Variants in IL18RAP observed in about 807,000 individuals in gnomAD.
The protein encoded by IL18RAP is interleukin 18 receptor accessory protein.
In IL18RAP, 37 loss-of-function variants were observed where a neutral mutation model predicts 58.1. The ratio of observed to expected loss-of-function variants is 0.64; its 90% CI spans 0.49 to 0.84. The LOEUF (loss-of-function observed/expected upper bound fraction) is 0.84, where lower values mean the gene tolerates loss of function less well. Ranked by LOEUF, IL18RAP falls within the 40% of genes least tolerant of loss-of-function variation. IL18RAP has a pLI of 0.00. For synonymous variants in IL18RAP, 268 were observed against 257.5 expected (o/e 1.04, Z -0.39); for missense variants, 667 against 704.8 (o/e 0.95, Z 0.61).
chr2:102,442,227 T>C (rs1312370328), intron 5 of IL18RAP, among the ~76,000 whole-genome samples: 4 of 152,100 alleles, frequency 2.6e-5, no homozygotes, highest in African/African-American at 9.7e-5. Context: ...TTCAATAATA[T>C]CTATGTCTTT....
At chr2:102,444,713 T>C (rs1301763316) in intron 6 of IL18RAP, among the ~76,000 whole-genome samples, 1 of 152,128 alleles carries the variant, frequency 6.6e-6, no homozygotes. Context: ...TTCCCTGCAG[T>C]GTGGTCTGGG....
chr2:102,433,569 G>C lies in IL18RAP; in HGVS notation c.580-3643G>C, dbSNP rs150177717. On this transcript the variant is annotated intron_variant, in intron 3 of 9. Coordinates refer to ENST00000687160, the MANE Select transcript of IL18RAP (RefSeq NM_001393487.1). ...TTGAGATGGAATCTCTCTCTTTGTC[G>C]CCTAGGCTAGAGCGCATCTAGCTCA... Among the ~76,000 whole-genome samples, 160 of 150,316 alleles carry C rather than the reference G, an allele frequency of 1.1e-3. 2 individuals are homozygous for C. The highest frequency in any genetic ancestry group is 3.7e-3 in the African/African-American group (153 of 40,808).
At chr2:102,427,858 T>A (rs1433421045) in intron 3 of IL18RAP, among the ~76,000 whole-genome samples, 1 of 152,060 alleles carries the variant, frequency 6.6e-6, no homozygotes, top group Non-Finnish European at 1.5e-5. Context: ...TTTAACCCAT[T>A]TTGAATTGAT....
intron 3 of IL18RAP, chr2:102,434,900 T>A (rs1682628837): frequency 6.6e-6 from 1 of 152,194 alleles, no homozygotes; most frequent in South Asian, 2.1e-4. Flanking sequence ...TTTCTAAGGG[T>A]TCATAAACCA....
At chr2:102,449,762 G>A (rs1260752240) in intron 8 of IL18RAP, among the ~76,000 whole-genome samples, 1 of 152,090 alleles carries the variant, frequency 6.6e-6, no homozygotes, top group Non-Finnish European at 1.5e-5. Context: ...AGTTTGCTGG[G>A]ATTTCACATG....
At chr2:102,435,460 C>A (rs1268301213) in intron 3 of IL18RAP, 1 of 152,092 alleles carries the variant, frequency 6.6e-6, no homozygotes, top group African/African-American at 2.4e-5. Context: ...GTAGTAAATT[C>A]AATTAGGAGC....
At chr2:102,420,585 T>C (rs1681514511), upstream of IL18RAP, among the ~76,000 whole-genome samples, 2 of 152,184 alleles carry the variant, frequency 1.3e-5, no homozygotes, top group Admixed American at 1.3e-4. Context: ...GGTAACTAAT[T>C]TGCTATAGGC....
intron 8 of IL18RAP, among the ~76,000 whole-genome samples, chr2:102,448,561 A>G (rs997764891): frequency 6.6e-6 from 1 of 152,128 alleles, no homozygotes; most frequent in Non-Finnish European, 1.5e-5. Flanking sequence ...TTTCACGGAT[A>G]ATTATTTACC....
intron 3 of IL18RAP, among the ~76,000 whole-genome samples, chr2:102,428,764 C>A (rs1573269099): frequency 6.6e-6 from 1 of 151,974 alleles, no homozygotes; most frequent in East Asian, 1.9e-4. Flanking sequence ...AGTAAGAGTG[C>A]ACATTCTTGT....
Position 102,424,127 on chromosome 2 carries a change from G to A in IL18RAP, c.387G>A (p.Lys129=), listed in dbSNP as rs948455623. 3 of 1,611,178 alleles carry A rather than the reference G, an allele frequency of 1.9e-6. No individual in the cohort carries two copies. The highest frequency in any genetic ancestry group is 2.5e-6 in the Non-Finnish European group (3 of 1,177,992). The stretch of plus-strand genomic sequence containing the variant: ...CTGGGTCATATATTTGTAGACCCAA[G>A]ATGATTAAGTATGATCCAAATACAT... The part of the protein sequence containing the change: ...NNSGSYICRP[K]MIKSPYDVAC... Residue 129 remains lysine (K), a synonymous_variant, in exon 2 of 10, where the codon AAG becomes AAA. Coordinates refer to ENST00000687160, the MANE Select transcript of IL18RAP (RefSeq NM_001393487.1).
At chr2:102,433,356 G>A (rs1442500756) in intron 3 of IL18RAP, among the ~76,000 whole-genome samples, 1 of 152,062 alleles carries the variant, frequency 6.6e-6, no homozygotes, top group African/African-American at 2.4e-5. Context: ...TCAAGTAGTT[G>A]GGACTACAGG....
chr2:102,421,882 G>A (rs796654498), upstream of IL18RAP, among the ~76,000 whole-genome samples: 27 of 152,150 alleles, frequency 1.8e-4, no homozygotes, highest in African/African-American at 5.8e-4. Context: ...ATGGTATCAG[G>A]GACCCCACTT....
chr2:102,450,275 T>A, intron 8 of IL18RAP, among the ~76,000 whole-genome samples: 1 of 1,164 alleles, frequency 8.6e-4, no homozygotes, highest in Non-Finnish European at 2.6e-3. Context: ...TGGACATTTA[T>A]CTTGCACCTC....
chr2:102,432,223 T>C (rs1682412300), intron 3 of IL18RAP: 1 of 152,236 alleles, frequency 6.6e-6, no homozygotes, highest in African/African-American at 2.4e-5. Flanking sequence ...TTGCTTGCTG[T>C]GCTTTGCGTT....
At chr2:102,443,350 T>A (rs1683220427) in intron 6 of IL18RAP, 27 bp downstream of exon 6, 1 of 1,607,160 alleles carries the variant, frequency 6.2e-7, no homozygotes, top group South Asian at 1.1e-5. Context: ...CGGATTCTGT[T>A]CTCTGCAATT....
At chr2:102,431,372 A>G (rs1253520410) in intron 3 of IL18RAP, among the ~76,000 whole-genome samples, 1 of 152,104 alleles carries the variant, frequency 6.6e-6, no homozygotes, top group Non-Finnish European at 1.5e-5. Context: ...TGAATTTTTG[A>G]CAATTTGATT....
At chr2:102,431,834 A>G (rs928220183) in intron 3 of IL18RAP, among the ~76,000 whole-genome samples, 3 of 151,814 alleles carry the variant, frequency 2.0e-5, no homozygotes, top group African/African-American at 7.3e-5. Context: ...TTGTTTTTAA[A>G]ATTTATTTTA....
intron 4 of IL18RAP, among the ~76,000 whole-genome samples, chr2:102,438,070 C>T (rs895721774): frequency 2.0e-5 from 3 of 152,130 alleles, no homozygotes; most frequent in East Asian, 3.8e-4. Flanking sequence ...CTTTTCTGCT[C>T]CATAGTATAC....
upstream of IL18RAP, among the ~76,000 whole-genome samples, chr2:102,421,608 C>G (rs921608615): frequency 6.6e-6 from 1 of 152,180 alleles, no homozygotes; most frequent in Admixed American, 6.5e-5. Context: ...GTAAGAAGAG[C>G]TGTCAGTTGT....
Sources: allele counts gnomAD v4.1 joint callset (sites outside exome capture counted in the v4.1 genomes callset), GRCh38; gene constraint gnomAD v4.1.1; transcripts MANE v1.5; gene names NCBI Gene and HGNC (gene_info 2026-07-23, HGNC 2026-07-21).